GPHN: variants seen among roughly 807,000 people sequenced by gnomAD.
The protein encoded by GPHN is gephyrin.
A neutral mutation model predicts 95.5 loss-of-function variants in GPHN; 17 were observed. That is an observed-to-expected ratio of 0.18 (90% CI 0.12 to 0.27). The LOEUF is 0.27. Among genes scored for constraint, GPHN ranks in the 10% least tolerant of loss-of-function variants. The pLI is 1.00. For synonymous variants in GPHN, 320 were observed against 322.5 expected (o/e 0.99, Z 0.08); for missense variants, 660 against 978.1 (o/e 0.67, Z 4.34).
chr14:67,498,997 T>TTATTTATG, the GPHN span, among the ~76,000 whole-genome samples: 5 of 151,306 alleles, frequency 3.3e-5, no homozygotes, highest in South Asian at 1.0e-3. Context: ...ATTTATTTAT[T>TTATTTATG]TATTTATTAG....
the GPHN span, among the ~76,000 whole-genome samples, chr14:67,313,413 G>T: frequency 6.6e-6 from 1 of 152,152 alleles, no homozygotes; most frequent in Non-Finnish European, 1.5e-5. Flanking sequence ...AGGCTATGTG[G>T]TATAGCCTAT....
the GPHN span, chr14:67,383,891 A>G: frequency 4.7e-6 from 1 of 214,386 alleles, no homozygotes; most frequent in Non-Finnish European, 9.5e-6. Context: ...GTCACCAGTT[A>G]AAAGCATTTT....
At chr14:67,350,737 G>A in the GPHN span, 165 of 1,510,974 alleles carry the variant, frequency 1.1e-4, 2 homozygotes, top group East Asian at 2.4e-3. Context: ...CCTTTTACAA[G>A]GAAATATTCC....
At position 66,776,450 on chromosome 14, in the gene GPHN, T is replaced by C. The variant is rs759867988; in HGVS notation, c.144-14T>C. 9 of 1,462,430 alleles carry C rather than the reference T, an allele frequency of 6.2e-6. No homozygotes were observed. Among genetic ancestry groups the C allele is most frequent in the Non-Finnish European group, 8.6e-6 (9 of 1,042,938 alleles). 90.6% of individuals were successfully genotyped at this position (1,462,430 alleles called of 1,614,324 possible). A position where few individuals can be genotyped will look rare whatever the true frequency, so the allele number is the denominator to read the frequency against. Reference sequence around the variant, plus strand: ...ATTGCTGGTTTTGAGAATATTTTCTTCTCCTAATTTCAGGTTGGGTGGGAC... The same window carrying C: ...ATTGCTGGTTTTGAGAATATTTTCTCCTCCTAATTTCAGGTTGGGTGGGAC... On this transcript the variant is annotated splice_polypyrimidine_tract_variant and intron_variant, in intron 2 of 22. Coordinates refer to ENST00000478722, the MANE Select transcript of GPHN (RefSeq NM_020806.5).
chr14:67,102,586 G>A (rs533935704), intron 13 of GPHN, among the ~76,000 whole-genome samples: 1 of 152,106 alleles, frequency 6.6e-6, no homozygotes, highest in Admixed American at 6.5e-5. Flanking sequence ...CTTGAACCTG[G>A]GAGGCAGAGG....
At chr14:66,892,461 G>A (rs190986508) in intron 5 of GPHN, among the ~76,000 whole-genome samples, 65 of 152,242 alleles carry the variant, frequency 4.3e-4, no homozygotes, top group East Asian at 7.7e-4. Context: ...ATATTTGCAC[G>A]CCAATATTCA....
chr14:67,659,984 G>A, the GPHN span: 6 of 1,512,406 alleles, frequency 4.0e-6, no homozygotes, highest in South Asian at 7.4e-5. Context: ...TTGGAAATAT[G>A]CCTAGTTTGG....
intron 3 of GPHN, among the ~76,000 whole-genome samples, chr14:66,786,433 T>C (rs1315337053): frequency 6.6e-6 from 1 of 152,080 alleles, no homozygotes; most frequent in Admixed American, 6.5e-5. Flanking sequence ...ACTTTCTTTT[T>C]GGTTTCACTG....
At chr14:67,156,065 T>C (rs550307295) in intron 18 of GPHN, among the ~76,000 whole-genome samples, 67 of 152,250 alleles carry the variant, frequency 4.4e-4, no homozygotes, top group Non-Finnish European at 7.4e-4. Context: ...AAACAAAAAC[T>C]GTGCGGACCT....
At chr14:66,602,892 A>C (rs992911461) in intron 1 of GPHN, among the ~76,000 whole-genome samples, 8 of 151,932 alleles carry the variant, frequency 5.3e-5, no homozygotes, top group African/African-American at 1.9e-4. Flanking sequence ...ATTTTGAAAT[A>C]AGAGTTATAA....
the GPHN span, chr14:67,599,963 A>G: frequency 9.1e-5 from 130 of 1,427,798 alleles, no homozygotes; most frequent in East Asian, 1.0e-3. Context: ...AAAGACCCCA[A>G]AGACCCTCCC....
At chr14:67,629,664 A>G in the GPHN span, among the ~76,000 whole-genome samples, 2 of 152,366 alleles carry the variant, frequency 1.3e-5, no homozygotes, top group South Asian at 2.1e-4. Flanking sequence ...CTACAAAGGA[A>G]GAAACTGTAC....
chr14:67,213,680 A>G, the GPHN span, among the ~76,000 whole-genome samples: 3 of 152,160 alleles, frequency 2.0e-5, no homozygotes, highest in Admixed American at 6.5e-5. Context: ...GTATATACCC[A>G]GTAATGGGAT....
At chr14:66,665,098 A>G (rs7158809) in intron 1 of GPHN, among the ~76,000 whole-genome samples, 49,749 of 151,834 alleles carry the variant, frequency 0.33, 11,964 homozygotes, top group African/African-American at 0.65. Context: ...ATTCCAACAA[A>G]TTGAAGAGGA....
intron 18 of GPHN, among the ~76,000 whole-genome samples, chr14:67,146,115 A>G (rs898356790): frequency 3.3e-5 from 5 of 152,186 alleles, no homozygotes; most frequent in Non-Finnish European, 1.5e-5. Context: ...GAGGCTGGAA[A>G]CCTCAGAGCA....
the GPHN span, among the ~76,000 whole-genome samples, chr14:67,506,853 ATGCACCTGT>A: frequency 6.6e-6 from 1 of 152,116 alleles, no homozygotes; most frequent in Admixed American, 6.5e-5. Context: ...GGGTGGTGGC[ATGCACCTGT>A]AGTCCCAGCT....
the GPHN span, among the ~76,000 whole-genome samples, chr14:67,643,202 A>G: frequency 5.9e-5 from 9 of 152,206 alleles, no homozygotes; most frequent in Non-Finnish European, 1.2e-4. Flanking sequence ...TTTATTGAGC[A>G]CTGTTCTGAT....
At chr14:66,960,513 CTGA>C (rs2068827422) in intron 8 of GPHN, among the ~76,000 whole-genome samples, 1 of 151,910 alleles carries the variant, frequency 6.6e-6, no homozygotes, top group Non-Finnish European at 1.5e-5. Context: ...TGCATAACCT[CTGA>C]TGTTTCTGTT....
intron 2 of GPHN, among the ~76,000 whole-genome samples, chr14:66,745,593 T>G (rs972911495): frequency 2.6e-5 from 4 of 151,986 alleles, no homozygotes; most frequent in Admixed American, 1.3e-4. Flanking sequence ...TGTCAGAAAT[T>G]TGATGTAGAA....
Sources: allele counts gnomAD v4.1 joint callset (sites outside exome capture counted in the v4.1 genomes callset), GRCh38; gene constraint gnomAD v4.1.1; transcripts MANE v1.5; gene names NCBI Gene and HGNC (gene_info 2026-07-23, HGNC 2026-07-21).